Variants in TMTC2 observed in about 807,000 individuals in gnomAD.
TMTC2 encodes transmembrane O-mannosyltransferase targeting cadherins 2, also known as protein O-mannosyl-transferase TMTC2.
TMTC2 carries 43 observed loss-of-function variants against 82.4 expected under a neutral mutation model. That is an observed-to-expected ratio of 0.52 (90% CI 0.41 to 0.67). The LOEUF is 0.67. TMTC2 is among the 30% of genes least tolerant of loss of function. TMTC2 has a pLI of 0.00. For synonymous variants in TMTC2, 408 were observed against 381.9 expected, an observed-to-expected ratio of 1.07 and a Z score of -0.80; for missense variants, 919 against 1,012.4, an observed-to-expected ratio of 0.91 and a Z score of 1.25.
intron 3 of TMTC2, among the ~76,000 whole-genome samples, chr12:82,902,983 T>C (rs1874100153): frequency 1.3e-5 from 2 of 152,236 alleles, no homozygotes; most frequent in Non-Finnish European, 2.9e-5. Flanking sequence ...GGACCCTGTG[T>C]ATACTCACCA....
chr12:82,844,404 A>G lies in TMTC2; in HGVS notation c.84-12606A>G, dbSNP rs1239508248. On this transcript the variant is annotated intron_variant, in intron 1 of 11. Coordinates refer to ENST00000321196, the MANE Select transcript of TMTC2 (RefSeq NM_152588.3). ...TATTTGGATAATCAAATCCCTAGGCACAAAGATTATACCTTTTGTTCTGCA... is the reference window on the plus strand; with the variant it reads ...TATTTGGATAATCAAATCCCTAGGCGCAAAGATTATACCTTTTGTTCTGCA... Among the ~76,000 whole-genome samples, 7 of 152,208 alleles carry G rather than the reference A, an allele frequency of 4.6e-5. No homozygotes were observed. In the East Asian group the frequency reaches 1.3e-3, roughly 29 times the overall value.
rs76324658 is a variant in TMTC2, at chr12:83,089,854, A to C, written c.2331+28023A>C. Among the ~76,000 whole-genome samples, 228 of 135,996 alleles carry C rather than the reference A, an allele frequency of 1.7e-3. 1 individual carries two copies. The highest frequency in any genetic ancestry group is 5.5e-3 in the South Asian group (23 of 4,200). The allele number at this position is 135,996 out of a possible 152,430, so 89.2% of individuals were successfully genotyped here. On this transcript the variant is annotated intron_variant, in intron 11 of 11. Coordinates refer to ENST00000321196, the MANE Select transcript of TMTC2 (RefSeq NM_152588.3). ...AAAACAAAAAACAAAAAACAAAAAA[A>C]AAAAAACTATTTTAATCTCATTTTT...
intron 4 of TMTC2, among the ~76,000 whole-genome samples, chr12:82,952,765 GT>G (rs1339629839): frequency 6.6e-6 from 1 of 152,028 alleles, no homozygotes; most frequent in Non-Finnish European, 1.5e-5. Flanking sequence ...TAGAGACGAG[GT>G]TTCACCATGT....
chr12:82,967,141 T>G, intron 7 of TMTC2, 144 bp downstream of exon 7: 1 of 641,836 alleles, frequency 1.6e-6, no homozygotes, highest in Non-Finnish European at 2.6e-6. Context: ...ATACTCAAAT[T>G]CTGACAGAGC....
chr12:83,091,093 C>T (rs953957997), intron 11 of TMTC2, among the ~76,000 whole-genome samples: 13 of 152,162 alleles, frequency 8.5e-5, no homozygotes. Flanking sequence ...AAGCCCAGCA[C>T]ATCATACTTT....
At chr12:83,041,893 A>G (rs998058747) in intron 9 of TMTC2, among the ~76,000 whole-genome samples, 1 of 152,200 alleles carries the variant, frequency 6.6e-6, no homozygotes, top group African/African-American at 2.4e-5. Context: ...TGTAGTGTCT[A>G]TGAAGTTTGT....
chr12:82,779,674 G>A (rs1344879666), intron 1 of TMTC2, among the ~76,000 whole-genome samples: 1 of 152,216 alleles, frequency 6.6e-6, no homozygotes, highest in East Asian at 1.9e-4. Flanking sequence ...CGAGACAGGT[G>A]GATCACCTGA....
chr12:83,040,386 G>T (rs894388711), intron 9 of TMTC2, among the ~76,000 whole-genome samples: 2 of 152,126 alleles, frequency 1.3e-5, no homozygotes, highest in Admixed American at 1.3e-4. Flanking sequence ...GTTCTTGAAG[G>T]CCCCAGGGAG....
intron 11 of TMTC2, among the ~76,000 whole-genome samples, chr12:83,123,216 G>T (rs1885009015): frequency 6.6e-6 from 1 of 152,188 alleles, no homozygotes; most frequent in South Asian, 2.1e-4. Context: ...GAGCACACAG[G>T]ATAAAATGTG....
chr12:82,922,377 G>C (rs1394501356), intron 3 of TMTC2, among the ~76,000 whole-genome samples: 2 of 152,018 alleles, frequency 1.3e-5, no homozygotes, highest in African/African-American at 4.8e-5. Flanking sequence ...CTAAAAAAAA[G>C]GTTAAGTGTA....
intron 1 of TMTC2, 61 bp downstream of exon 1, chr12:82,687,730 A>G (rs557262652): frequency 1.3e-6 from 2 of 1,511,908 alleles, no homozygotes; most frequent in East Asian, 2.3e-5. Flanking sequence ...GTGGCTCTGA[A>G]GCTTCCCTCT....
At chr12:82,985,443 T>G (rs905651990) in intron 7 of TMTC2, among the ~76,000 whole-genome samples, 2 of 152,202 alleles carry the variant, frequency 1.3e-5, no homozygotes, top group Non-Finnish European at 2.9e-5. Flanking sequence ...ACTCTTTCAA[T>G]TACTCTTTCT....
chr12:83,036,235 A>C (rs1339026801), intron 9 of TMTC2, among the ~76,000 whole-genome samples: 1 of 152,216 alleles, frequency 6.6e-6, no homozygotes, highest in African/African-American at 2.4e-5. Flanking sequence ...GACACAGTAG[A>C]GAATAAGACC....
rs150113738 is a variant in TMTC2 at position 83,011,067 on chromosome 12, T to G, written c.2071-19731T>G. Among the ~76,000 whole-genome samples, 1,019 of 152,338 alleles carry G rather than the reference T, an allele frequency of 6.7e-3. 6 individuals are homozygous for G. Among genetic ancestry groups the G allele is most frequent in the Non-Finnish European group, 0.011 (766 of 68,032 alleles). ...CCAGGGTGATCTTGAACTCCTGACC[T>G]CAGGTAATCCACCCACGTCGGCATC... On this transcript the variant is annotated intron_variant, in intron 8 of 11. Coordinates refer to ENST00000321196, the MANE Select transcript of TMTC2 (RefSeq NM_152588.3).
chr12:83,078,244 C>T (rs1347704645), intron 11 of TMTC2, among the ~76,000 whole-genome samples: 2 of 152,038 alleles, frequency 1.3e-5, no homozygotes, highest in Admixed American at 1.3e-4. Context: ...AAGGATGAGG[C>T]CTAGTCCTCT....
At chr12:82,831,073 A>G (rs961240334) in intron 1 of TMTC2, among the ~76,000 whole-genome samples, 9 of 152,324 alleles carry the variant, frequency 5.9e-5, no homozygotes, top group African/African-American at 2.2e-4. Context: ...AGGAAAATGG[A>G]TATTTGTTCT....
intron 4 of TMTC2, among the ~76,000 whole-genome samples, chr12:82,945,202 AG>A (rs574463652): frequency 1.8e-3 from 279 of 152,348 alleles, no homozygotes; most frequent in African/African-American, 6.4e-3. Context: ...GCCTGGCAAA[AG>A]AAAGATTCAC....
At chr12:82,965,433 G>T (rs1460471790) in intron 5 of TMTC2, 127 bp from the exon 6 acceptor site, 11 of 933,370 alleles carry the variant, frequency 1.2e-5, no homozygotes, top group Non-Finnish European at 1.8e-5. Context: ...GAGTATTTGT[G>T]TCATAAGTAT....
intron 8 of TMTC2, among the ~76,000 whole-genome samples, chr12:83,005,560 C>T (rs1479148949): frequency 1.3e-5 from 2 of 152,114 alleles, no homozygotes; most frequent in Non-Finnish European, 2.9e-5. Context: ...AGTGACGGCT[C>T]TTACCCTGCT....
Sources: allele counts gnomAD v4.1 joint callset (sites outside exome capture counted in the v4.1 genomes callset), GRCh38; gene constraint gnomAD v4.1.1; transcripts MANE v1.5; gene names NCBI Gene and HGNC (gene_info 2026-07-23, HGNC 2026-07-21).